HORMAD2: variants seen among roughly 807,000 people sequenced by gnomAD.
HORMAD2 encodes HORMA domain containing 2.
Under a neutral mutation model 38.8 loss-of-function variants are expected in HORMAD2, and 45 were observed. That is an observed-to-expected ratio of 1.16 (90% CI 0.91 to 1.49). The LOEUF is 1.49. Ranked by LOEUF, HORMAD2 falls within the 40% of genes most tolerant of loss-of-function variation. The probability of loss-of-function intolerance (pLI) is 0.00; values close to 1 mark genes in which losing one functional copy is unlikely to be tolerated. For missense variants in HORMAD2, 338 were observed against 367.0 expected, an observed-to-expected ratio of 0.92 and a Z score of 0.65; for synonymous variants, 126 against 122.8, an observed-to-expected ratio of 1.03 and a Z score of -0.17.
intron 10 of HORMAD2, among the ~76,000 whole-genome samples, chr22:30,153,578 G>T (rs77127028): frequency 6.6e-6 from 1 of 151,924 alleles, no homozygotes; most frequent in Non-Finnish European, 1.5e-5. Context: ...CTTTCCATTG[G>T]CCCAAATCAT....
chr22:30,091,266 CTT>C (rs67947501), intron 1 of HORMAD2, among the ~76,000 whole-genome samples: 1,455 of 113,890 alleles, frequency 0.013, 12 homozygotes, highest in African/African-American at 0.043. Flanking sequence ...CTCTTTCTTT[CTT>C]TTTTTTTTTT....
At chr22:30,188,613 C>T in the HORMAD2 span, among the ~76,000 whole-genome samples, 1 of 152,218 alleles carries the variant, frequency 6.6e-6, no homozygotes, top group South Asian at 2.1e-4. Context: ...TTCTTTCAAA[C>T]TTCTTATCCA....
intron 10 of HORMAD2, among the ~76,000 whole-genome samples, chr22:30,150,614 G>T (rs958814710): frequency 1.3e-5 from 2 of 152,158 alleles, no homozygotes; most frequent in Non-Finnish European, 2.9e-5. Flanking sequence ...GATGAGGCTT[G>T]CTGATTGTGG....
intron 1 of HORMAD2, among the ~76,000 whole-genome samples, chr22:30,092,447 C>T (rs1426779776): frequency 6.9e-6 from 1 of 144,218 alleles, no homozygotes. Context: ...TTCTCCCATT[C>T]TATAGGCTGT....
At chr22:30,104,614 A>G in intron 5 of HORMAD2, 177 bp downstream of exon 5, 1 of 489,324 alleles carries the variant, frequency 2.0e-6, no homozygotes. Flanking sequence ...CTTTGCATCA[A>G]TTAGAAAGAA....
At chr22:30,115,069 AT>A (rs1009863652) in intron 7 of HORMAD2, among the ~76,000 whole-genome samples, 9 of 152,170 alleles carry the variant, frequency 5.9e-5, no homozygotes, top group African/African-American at 2.2e-4. Context: ...CATAAATCTT[AT>A]GGTTTCACTA....
intron 7 of HORMAD2, among the ~76,000 whole-genome samples, chr22:30,117,954 T>C (rs934323810): frequency 2.0e-5 from 3 of 152,230 alleles, no homozygotes; most frequent in African/African-American, 7.2e-5. Flanking sequence ...AAACAAGACT[T>C]GATATCAGAG....
chr22:30,102,315 C>A (rs911009048), intron 3 of HORMAD2, among the ~76,000 whole-genome samples: 2 of 152,172 alleles, frequency 1.3e-5, no homozygotes, highest in Non-Finnish European at 2.9e-5. Context: ...GTGTGCCAGT[C>A]ACTACCCTAG....
intron 10 of HORMAD2, among the ~76,000 whole-genome samples, chr22:30,174,848 T>C (rs1487602797): frequency 6.6e-6 from 1 of 152,170 alleles, no homozygotes; most frequent in Non-Finnish European, 1.5e-5. Flanking sequence ...CTATTTCCTT[T>C]CCTTTAGAGC....
At chr22:30,084,230 G>A (rs2068531895) in intron 1 of HORMAD2, among the ~76,000 whole-genome samples, 1 of 152,200 alleles carries the variant, frequency 6.6e-6, no homozygotes. Context: ...CCAAGAACAA[G>A]GATATGCATC....
intron 5 of HORMAD2, among the ~76,000 whole-genome samples, chr22:30,109,303 C>T (rs945511410): frequency 6.6e-6 from 1 of 151,946 alleles, no homozygotes; most frequent in Non-Finnish European, 1.5e-5. Context: ...GGATTACAGG[C>T]GTGAGCCACC....
intron 10 of HORMAD2, chr22:30,137,227 A>G: frequency 3.4e-6 from 2 of 590,394 alleles, no homozygotes; most frequent in South Asian, 3.0e-5. Flanking sequence ...TCTAAATGCA[A>G]CTTCATCATT....
At chr22:30,113,444 G>A (rs1364925900) in intron 7 of HORMAD2, among the ~76,000 whole-genome samples, 19 of 151,546 alleles carry the variant, frequency 1.3e-4, no homozygotes, top group Non-Finnish European at 1.3e-4. Context: ...TCACCGTGTT[G>A]GCCAGGCTGG....
intron 10 of HORMAD2, among the ~76,000 whole-genome samples, chr22:30,132,574 A>G (rs1266093059): frequency 6.6e-6 from 1 of 151,820 alleles, no homozygotes; most frequent in Non-Finnish European, 1.5e-5. Context: ...AACCACACAC[A>G]CACACATCAT....
chr22:30,199,693 T>C, the HORMAD2 span, among the ~76,000 whole-genome samples: 2 of 152,126 alleles, frequency 1.3e-5, no homozygotes, highest in South Asian at 4.1e-4. Flanking sequence ...CCTTTCAGGA[T>C]TTTGTTATTT....
chr22:30,084,819 G>A (rs989119895), intron 1 of HORMAD2, among the ~76,000 whole-genome samples: 2 of 151,900 alleles, frequency 1.3e-5, no homozygotes, highest in Middle Eastern at 3.2e-3. Flanking sequence ...TACCTATTTA[G>A]TTCCAGTACT....
chr22:30,163,049 T>A (rs139122143), intron 10 of HORMAD2, among the ~76,000 whole-genome samples: 3 of 152,308 alleles, frequency 2.0e-5, no homozygotes, highest in African/African-American at 7.2e-5. Context: ...TGTCCTTTTT[T>A]TAAACTTACT....
At chr22:30,148,216 A>G (rs1300001916) in intron 10 of HORMAD2, among the ~76,000 whole-genome samples, 1 of 152,230 alleles carries the variant, frequency 6.6e-6, no homozygotes, top group African/African-American at 2.4e-5. Flanking sequence ...TAAAAGTCAA[A>G]AAATTCAGAC....
intron 10 of HORMAD2, among the ~76,000 whole-genome samples, chr22:30,163,794 A>C (rs1270714362): frequency 3.3e-5 from 5 of 152,138 alleles, no homozygotes; most frequent in Admixed American, 6.5e-5. Flanking sequence ...GGTAAAATAT[A>C]CATAATATAT....
Sources: allele counts gnomAD v4.1 joint callset (sites outside exome capture counted in the v4.1 genomes callset), GRCh38; gene constraint gnomAD v4.1.1; transcripts MANE v1.5; gene names NCBI Gene and HGNC (gene_info 2026-07-23, HGNC 2026-07-21).